The following SEMA3A variants were observed in gnomAD, a reference collection of about 807,000 sequenced individuals.
SEMA3A encodes semaphorin-3A.
Under a neutral mutation model 97.9 loss-of-function variants are expected in SEMA3A, and 29 were observed. That is an observed-to-expected ratio of 0.30 (90% confidence interval 0.22 to 0.40). SEMA3A has a LOEUF of 0.40. SEMA3A is among the 10% of genes least tolerant of loss of function. The probability of loss-of-function intolerance (pLI) is 1.00; values close to 1 mark genes in which losing one functional copy is unlikely to be tolerated. For missense variants in SEMA3A, 763 were observed against 951.3 expected, an observed-to-expected ratio of 0.80 and a Z score of 2.60; for synonymous variants, 321 against 323.7, an observed-to-expected ratio of 0.99 and a Z score of 0.09.
intron 3 of SEMA3A, among the ~76,000 whole-genome samples, chr7:84,301,957 C>T (rs976638929): frequency 6.6e-6 from 1 of 152,196 alleles, no homozygotes; most frequent in Non-Finnish European, 1.5e-5. Flanking sequence ...AACACATATT[C>T]ATACAAAGAC....
rs990624243 is a variant in SEMA3A, at chr7:84,255,925, A to G, written c.-83+51282T>C. ...CTGCGTCTATCACTTTTTAATTCAG[A>G]TTTATTGAATATCTAGAGATTTATA... On this transcript the variant is annotated intron_variant, in intron 3 of 3. Transcript: ENST00000424555. Among the ~76,000 whole-genome samples, 3 of 148,258 alleles carry G rather than the reference A, an allele frequency of 2.0e-5. No homozygotes were observed. In the East Asian group the frequency reaches 5.8e-4, roughly 29 times the overall value.
intron 2 of SEMA3A, among the ~76,000 whole-genome samples, chr7:84,315,404 G>A (rs1009349706): frequency 3.4e-4 from 52 of 152,026 alleles, no homozygotes; most frequent in African/African-American, 1.1e-3. Context: ...ATAACAATAC[G>A]CAGGATTTTG....
intron 3 of SEMA3A, among the ~76,000 whole-genome samples, chr7:84,253,550 A>T (rs142808180): frequency 1.2e-3 from 186 of 152,302 alleles, no homozygotes; most frequent in African/African-American, 4.3e-3. Context: ...TGGATGCATA[A>T]TGTATGTATT....
intron 3 of SEMA3A, among the ~76,000 whole-genome samples, chr7:84,284,723 T>A (rs1464933168): frequency 6.6e-6 from 1 of 152,188 alleles, no homozygotes; most frequent in Non-Finnish European, 1.5e-5. Flanking sequence ...ACAAGGGTCA[T>A]GAAGGAGGAG....
Position 84,174,692 on chromosome 7 carries a change from C to T in SEMA3A, c.112+19783G>A, listed in dbSNP as rs959695582. 9.9e-5 allele frequency among the ~76,000 whole-genome samples: 15 copies of T among 152,020 alleles called. 1 individual carries two copies. In the South Asian group the frequency reaches 2.7e-3, roughly 27 times the overall value. On this transcript the variant is annotated intron_variant, in intron 1 of 16. Coordinates refer to ENST00000265362, the MANE Select transcript of SEMA3A (RefSeq NM_006080.3). Reference sequence around the variant, plus strand: ...CTCAAAAACAATGAAAGTTTTTATCCAAATCATGTATTAAATAAAGAGATA... The same window carrying T: ...CTCAAAAACAATGAAAGTTTTTATCTAAATCATGTATTAAATAAAGAGATA...
At chr7:84,077,458 T>A (rs1292376968) in intron 4 of SEMA3A, among the ~76,000 whole-genome samples, 1 of 152,028 alleles carries the variant, frequency 6.6e-6, no homozygotes, top group Non-Finnish European at 1.5e-5. Context: ...GAAAGGAGCA[T>A]ATGTCCTGTA....
Position 84,101,787 on chromosome 7 carries a change from C to T in SEMA3A, c.453+8683G>A, listed in dbSNP as rs77996946. Among the ~76,000 whole-genome samples the T allele has an allele frequency of 4.1e-3, 620 of 152,170 alleles. 2 individuals are homozygous for T. Among genetic ancestry groups the T allele is most frequent in the East Asian group, 0.017 (87 of 5,180 alleles). On this transcript the variant is annotated intron_variant, in intron 4 of 16. Transcript: ENST00000265362. The stretch of plus-strand genomic sequence containing the variant: ...CTTTACTTTGTAGGACTGAGCTGTC[C>T]TATACGGGAGCTACTAGTCAAATGA...
intron 3 of SEMA3A, among the ~76,000 whole-genome samples, chr7:84,242,318 G>T (rs1002553696): frequency 2.6e-5 from 4 of 152,090 alleles, no homozygotes; most frequent in African/African-American, 9.7e-5. Context: ...GCAGAGGTTT[G>T]TAATTCTCCT....
intron 2 of SEMA3A, among the ~76,000 whole-genome samples, chr7:84,368,262 G>T (rs1043549894): frequency 6.6e-6 from 1 of 151,192 alleles, no homozygotes; most frequent in South Asian, 2.1e-4. Context: ...CTTCTGAAAA[G>T]AACTCAGTTT....
chr7:84,052,363 C>T (rs1389674695), intron 5 of SEMA3A, among the ~76,000 whole-genome samples: 1 of 152,148 alleles, frequency 6.6e-6, no homozygotes. Flanking sequence ...GGTTGGTAAG[C>T]TATTGATTAT....
chr7:84,426,293 T>C lies in SEMA3A; in HGVS notation c.-245-54393A>G, dbSNP rs200273724. ...ATATATAGACAGATAGATAGATAGA[T>C]AGATAGATAGATAGATAGATAGATA... On this transcript the variant is annotated intron_variant, in intron 1 of 3. Coordinates refer to the SEMA3A transcript ENST00000424555. 6.1e-5 allele frequency among the ~76,000 whole-genome samples: 9 copies of C among 147,186 alleles called. No homozygotes were observed. In the East Asian group the frequency reaches 9.2e-4, roughly 15 times the overall value.
chr7:84,129,722 C>CTT (rs201159526), intron 2 of SEMA3A, among the ~76,000 whole-genome samples: 1 of 133,768 alleles, frequency 7.5e-6, no homozygotes, highest in Non-Finnish European at 1.6e-5. Flanking sequence ...CTCCTCTTGA[C>CTT]TTTTTTTTTT....
intron 1 of SEMA3A, among the ~76,000 whole-genome samples, chr7:84,384,666 T>A (rs2116152974): frequency 6.6e-6 from 1 of 152,268 alleles, no homozygotes; most frequent in African/African-American, 2.4e-5. Flanking sequence ...TCTCTTGTCC[T>A]AACTTGGCAA....
chr7:84,183,784 T>A (rs1177078588), intron 1 of SEMA3A, among the ~76,000 whole-genome samples: 1 of 152,058 alleles, frequency 6.6e-6, no homozygotes, highest in South Asian at 2.1e-4. Flanking sequence ...TCAGCCATGA[T>A]CTCCTTCTAT....
chr7:84,291,997 G>A (rs930711951), intron 3 of SEMA3A, among the ~76,000 whole-genome samples: 1 of 152,022 alleles, frequency 6.6e-6, no homozygotes, highest in Non-Finnish European at 1.5e-5. Flanking sequence ...GTCTCTTACC[G>A]AATTAGGCAG....
chr7:83,972,271 A>G (rs1439187157), intron 15 of SEMA3A, among the ~76,000 whole-genome samples: 1 of 151,998 alleles, frequency 6.6e-6, no homozygotes, highest in Non-Finnish European at 1.5e-5. Flanking sequence ...AGCCACTTGA[A>G]TAGTTACATT....
intron 1 of SEMA3A, among the ~76,000 whole-genome samples, chr7:84,154,354 T>A (rs1311113305): frequency 6.6e-6 from 1 of 152,042 alleles, no homozygotes; most frequent in Non-Finnish European, 1.5e-5. Context: ...TACAGATAAG[T>A]TTCTTTCTTT....
intron 4 of SEMA3A, among the ~76,000 whole-genome samples, chr7:84,073,897 A>T (rs1793841968): frequency 6.6e-6 from 1 of 151,858 alleles, no homozygotes; most frequent in Admixed American, 6.6e-5. Flanking sequence ...AAAATGAAGC[A>T]AATCATACAT....
intron 3 of SEMA3A, among the ~76,000 whole-genome samples, chr7:84,255,392 CA>C (rs1043077776): frequency 4.6e-5 from 7 of 152,062 alleles, no homozygotes; most frequent in African/African-American, 1.7e-4. Context: ...CTATCTCCCC[CA>C]AAGGCAACAC....
Sources: gnomAD v4.1 joint callset for allele counts (sites outside exome capture counted in the v4.1 genomes callset) on GRCh38, gnomAD v4.1.1 for gene constraint, MANE v1.5 for transcripts, NCBI Gene and HGNC (gene_info 2026-07-23, HGNC 2026-07-21) for gene names.